LRRC66: variants seen among roughly 807,000 people sequenced by gnomAD.
LRRC66 encodes leucine-rich repeat-containing protein 66.
Under a neutral mutation model 24.6 loss-of-function variants are expected in LRRC66, and 29 were observed. The observed-to-expected ratio is 1.18, with a 90% CI of 0.88 to 1.61. The LOEUF is 1.61. Among genes scored for constraint, LRRC66 ranks in the 40% most tolerant of loss-of-function variants. The probability of loss-of-function intolerance (pLI) is 0.00; values close to 1 mark genes in which losing one functional copy is unlikely to be tolerated. For synonymous variants in LRRC66, 411 were observed against 397.6 expected, an observed-to-expected ratio of 1.03 and a Z score of -0.40; for missense variants, 1,124 against 1,058.0, an observed-to-expected ratio of 1.06 and a Z score of -0.87.
chr4:52,006,283 A>G (rs1736582999), intron 2 of LRRC66, among the ~76,000 whole-genome samples: 1 of 152,156 alleles, frequency 6.6e-6, no homozygotes, highest in African/African-American at 2.4e-5. Context: ...TCACAATAGC[A>G]AAGACTTGGA....
Position 51,995,183 on chromosome 4 carries a change from A to G in LRRC66, c.1839T>C (p.Leu613=), listed in dbSNP as rs1476639880. ...SKERGGTEQS[L]WDSQMEFSKE... ...TAGAAAATTCCATCTGCGAGTCCCA[A>G]AGTGACTGTTCAGTGCCCCCTCTTT... The change falls in exon 5 of 5, where the codon CTT becomes CTC. Residue 613 remains leucine (L), a synonymous_variant. Coordinates refer to ENST00000682860, the MANE Select transcript of LRRC66 (RefSeq NM_001024611.3). 1.9e-6 allele frequency: 3 copies of G among 1,614,084 alleles called. No individual in the cohort carries two copies. Among genetic ancestry groups the G allele is most frequent in the South Asian group, 1.1e-5 (1 of 91,088 alleles).
chr4:52,005,378 T>C (rs1736552039), intron 2 of LRRC66, among the ~76,000 whole-genome samples: 1 of 152,148 alleles, frequency 6.6e-6, no homozygotes, highest in South Asian at 2.1e-4. Context: ...CCGATGCCTG[T>C]AATCCCAGCA....
Position 51,994,914 on chromosome 4 carries a change from C to T in LRRC66, c.2108G>A (p.Cys703Tyr), listed in dbSNP as rs752290463. 1 of 1,614,170 alleles carries T rather than the reference C, an allele frequency of 6.2e-7. No individual in the cohort carries two copies. The highest frequency in any genetic ancestry group is 1.7e-5 in the Admixed American group (1 of 60,036). ...SDTCCELESD[C>Y]DSDEGSLFTL... is the part of the protein sequence containing the mutation. ...GAACAGAGACCCCTCATCAGAGTCACAGTCACTCTCCAACTCACAGCAAGT... is the reference window on the plus strand; with the variant it reads ...GAACAGAGACCCCTCATCAGAGTCATAGTCACTCTCCAACTCACAGCAAGT... The change falls in exon 5 of 5, where the codon TGT becomes TAT. Residue 703 changes from cysteine (C) to tyrosine (Y), a missense_variant. Physicochemically the swap from Cys to Tyr is radical, Grantham distance 194. Coordinates refer to ENST00000682860, the MANE Select transcript of LRRC66 (RefSeq NM_001024611.3).
Position 51,994,667 on chromosome 4 carries a change from C to A in LRRC66, c.2355G>T (p.Met785Ile). The part of the protein sequence containing the change: ...KPLISAPDSG[M>I]YKTHLENASD... ...AGGCATTTTCCAGATGAGTCTTGTA[C>A]ATGCCAGAGTCTGGAGCAGAAATGA... Residue 785 changes from methionine (M) to isoleucine (I), a missense_variant, in exon 5 of 5, where the codon ATG (methionine) becomes ATT (isoleucine). Coordinates refer to ENST00000682860, the MANE Select transcript of LRRC66 (RefSeq NM_001024611.3). 6.2e-7 allele frequency: 1 copy of A among 1,614,174 alleles called. No homozygotes were observed. Among genetic ancestry groups the A allele is most frequent in the Non-Finnish European group, 8.5e-7 (1 of 1,180,024 alleles).
chr4:51,995,443 G>A lies in LRRC66; in HGVS notation c.1579C>T (p.His527Tyr), dbSNP rs754909481. 1 of 1,614,116 alleles carries A rather than the reference G, an allele frequency of 6.2e-7. No homozygotes were observed. The highest frequency in any genetic ancestry group is 1.1e-5 in the South Asian group (1 of 91,072). The change falls in exon 5 of 5, where the codon CAC (histidine) becomes TAC (tyrosine). Residue 527 changes from histidine to tyrosine, a missense_variant. Coordinates refer to ENST00000682860, the MANE Select transcript of LRRC66 (RefSeq NM_001024611.3). ...CCGAGAATATCATTCCTATGGATGT[G>A]GTCCTGCGCTGCTGACATTAGTTCA... ...NRELMSAAQD[H>Y]IHRNDILGEW...
chr4:52,018,197 AT>A (rs1400510781), intron 1 of LRRC66: 41 of 985,290 alleles, frequency 4.2e-5, no homozygotes, highest in Non-Finnish European at 4.8e-5. Context: ...TTATGAAATC[AT>A]TTAGATACAT....
At position 52,003,396 on chromosome 4, in the gene LRRC66, T is replaced by C; in HGVS notation, c.497-4A>G. ...AATGACTTCAGTTTCCACAGTCCTG[T>C]TAAAATGAAAAAGTAAGTTGAAATC... On this transcript the variant is annotated splice_region_variant and splice_polypyrimidine_tract_variant and intron_variant, in intron 2 of 4. Coordinates refer to ENST00000682860, the MANE Select transcript of LRRC66 (RefSeq NM_001024611.3). The C allele has an allele frequency of 6.2e-7, 1 of 1,605,390 alleles. No homozygotes were observed. Among genetic ancestry groups the C allele is most frequent in the Non-Finnish European group, 8.5e-7 (1 of 1,176,710 alleles).
At chr4:52,015,741 C>A (rs1255737861) in intron 2 of LRRC66, among the ~76,000 whole-genome samples, 1 of 152,026 alleles carries the variant, frequency 6.6e-6, no homozygotes, top group Non-Finnish European at 1.5e-5. Flanking sequence ...AAAAACAAAA[C>A]CTGGAAATAA....
In LRRC66 at chr4:51,994,318, CT is replaced by C. The variant is rs1004587721; in HGVS notation, c.*60del. ...TTGTTGTGAAGGCTTTAGTTTTCCC[CT>C]GCCATGATCTTTAAAAGAATATTGT... On this transcript the variant is annotated 3_prime_UTR_variant, in exon 5 of 5. Transcript: ENST00000682860. 6.9e-6 allele frequency: 10 copies of C among 1,452,730 alleles called. No individual in the cohort carries two copies. In the African/African-American group the frequency reaches 1.4e-4, roughly 21 times the overall value. 90.0% of individuals were successfully genotyped at this position (1,452,730 alleles called of 1,614,324 possible).
chr4:51,999,121 C>G (rs551472044), intron 3 of LRRC66, among the ~76,000 whole-genome samples: 32 of 152,132 alleles, frequency 2.1e-4, no homozygotes, highest in African/African-American at 7.2e-4. Flanking sequence ...GCAGAGGCAC[C>G]AGGGTGGCTC....
rs752632316 is a variant in LRRC66, at chr4:51,994,511, C to T, written c.2511G>A (p.Trp837Ter). 6.2e-7 allele frequency: 1 copy of T among 1,614,054 alleles called. No individual in the cohort carries two copies. The highest frequency in any genetic ancestry group is 8.5e-7 in the Non-Finnish European group (1 of 1,180,042). ...ATTCTAAGTCTCTAAGTGAGCAATG[C>T]CATTCTGCTGCCTTGGATTGAAGAG... The part of the protein sequence containing the change: ...DTALQSKAAE[W>*]HCSLRDLEFS... The change falls in exon 5 of 5, where the codon TGG (tryptophan) becomes TGA (stop). Residue 837 changes from tryptophan (W) to a stop codon, truncating the protein, a stop_gained. Coordinates refer to ENST00000682860, the MANE Select transcript of LRRC66 (RefSeq NM_001024611.3). LOFTEE classifies it low-confidence loss of function (END_TRUNC).
intron 2 of LRRC66, among the ~76,000 whole-genome samples, chr4:52,006,416 T>G (rs987354596): frequency 7.2e-5 from 11 of 151,754 alleles, no homozygotes; most frequent in South Asian, 2.1e-4. Context: ...ATGGATGAAA[T>G]TGGAAATCAT....
intron 2 of LRRC66, among the ~76,000 whole-genome samples, chr4:52,013,882 CTATA>C (rs1356389616): frequency 2.0e-5 from 3 of 152,326 alleles, no homozygotes; most frequent in South Asian, 4.1e-4. Context: ...ATGCAAGTGC[CTATA>C]TAGTCAGACA....
chr4:52,016,999 T>C, intron 2 of LRRC66, 119 bp downstream of exon 2: 1 of 1,099,962 alleles, frequency 9.1e-7, no homozygotes. Flanking sequence ...ATATGTGCTC[T>C]GATCAAATTG....
In LRRC66 at chr4:51,996,142, T is replaced by C. The variant is rs1183425572; in HGVS notation, c.880A>G (p.Thr294Ala). The C allele has an allele frequency of 6.2e-7, 1 of 1,611,286 alleles. No individual in the cohort carries two copies. The highest frequency in any genetic ancestry group is 1.3e-5 in the African/African-American group (1 of 74,778). The change falls in exon 5 of 5, where the codon ACT becomes GCT. Residue 294 changes from threonine (T) to alanine (A), a missense_variant. Physicochemically the swap from Thr to Ala is moderately conservative, Grantham distance 58. Coordinates refer to ENST00000682860, the MANE Select transcript of LRRC66 (RefSeq NM_001024611.3). The part of the protein sequence containing the change: ...SIGSEEANGG[T>A]PQSRISRETR... ...TCCCTGGAAATCCTGCTCTGGGGAG[T>C]GCCCCCGTTGGCCTCCTCACTCCCT...
At chr4:52,008,918 A>T (rs768187116) in intron 2 of LRRC66, among the ~76,000 whole-genome samples, 15 of 152,168 alleles carry the variant, frequency 9.9e-5, no homozygotes, top group Non-Finnish European at 1.8e-4. Context: ...TAGTAAAAAC[A>T]TATTGTGGAA....
At chr4:52,006,070 T>C (rs1475070393) in intron 2 of LRRC66, among the ~76,000 whole-genome samples, 1 of 152,166 alleles carries the variant, frequency 6.6e-6, no homozygotes, top group East Asian at 1.9e-4. Context: ...TCCTAAAATA[T>C]CTCAGTGCTT....
In LRRC66 at chr4:51,994,148, G is replaced by C; in HGVS notation, c.*231C>G. The C allele has an allele frequency of 2.1e-6, 1 of 479,804 alleles. No homozygotes were observed. The highest frequency in any genetic ancestry group is 3.6e-5 in the South Asian group (1 of 27,588). The allele number at this position is 479,804 out of a possible 1,614,324, so 29.7% of individuals were successfully genotyped here. ...TATTCCCCTCTTTCTCTTTCACACT[G>C]AAGAGCAGGTTCATCCCCATAGGAT... is the stretch of plus-strand genomic sequence containing the variant. On this transcript the variant is annotated 3_prime_UTR_variant, in exon 5 of 5. Coordinates refer to ENST00000682860, the MANE Select transcript of LRRC66 (RefSeq NM_001024611.3).
rs1184272953 is a variant in LRRC66, at chr4:51,995,480, A to C, written c.1542T>G (p.His514Gln). 6.2e-7 allele frequency: 1 copy of C among 1,614,012 alleles called. No homozygotes were observed. Among genetic ancestry groups the C allele is most frequent in the African/African-American group, 1.3e-5 (1 of 74,914 alleles). The change falls in exon 5 of 5, where the codon CAT (histidine) becomes CAG (glutamine). Residue 514 changes from histidine (H) to glutamine (Q), a missense_variant. Physicochemically the swap from His to Gln is conservative, Grantham distance 24 (BLOSUM62 0). Transcript: ENST00000682860. ...AVYSILQRHP[H>Q]AGNRELMSAA... ...CTGACATTAGTTCACGGTTACCGGC[A>C]TGTGGATGTCTCTGGAGAATGGAAT...
Sources: allele counts gnomAD v4.1 joint callset (sites outside exome capture counted in the v4.1 genomes callset), GRCh38; gene constraint gnomAD v4.1.1; transcripts MANE v1.5; gene names NCBI Gene and HGNC (gene_info 2026-07-23, HGNC 2026-07-21).